Variants in CCDC9 observed in about 807,000 individuals in gnomAD.
The protein encoded by CCDC9 is coiled-coil domain-containing protein 9.
In CCDC9, 52 loss-of-function variants were observed where a neutral mutation model predicts 65.6. The ratio of observed to expected loss-of-function variants is 0.79; its 90% CI spans 0.63 to 1.00. CCDC9 has a LOEUF of 1.00. Ranked by LOEUF, CCDC9 falls within the 50% of genes least tolerant of loss-of-function variation. The probability of loss-of-function intolerance (pLI) is 0.00; values close to 1 mark genes in which losing one functional copy is unlikely to be tolerated. For synonymous variants in CCDC9, 332 were observed against 280.3 expected (o/e 1.18, Z -1.84); for missense variants, 834 against 757.2 (o/e 1.10, Z -1.19).
At chr19:47,261,880 G>T (rs933724100) in intron 5 of CCDC9, among the ~76,000 whole-genome samples, 70 of 150,176 alleles carry the variant, frequency 4.7e-4, no homozygotes, top group African/African-American at 1.6e-3. Context: ...AATTAGCCGG[G>T]TGTGGTGGCA....
Position 47,270,400 on chromosome 19 carries a change from C to A in CCDC9, c.903-7C>A, listed in dbSNP as rs569465656. 1.2e-6 allele frequency: 2 copies of A among 1,613,926 alleles called. No individual in the cohort carries two copies. The highest frequency in any genetic ancestry group is 3.3e-5 in the Admixed American group (2 of 59,998). ...AGCTGCCCGCTCACCCGTTATCTTT[C>A]CCCCAGGTTCAAGGATGGCCCAGTC... On this transcript the variant is annotated splice_polypyrimidine_tract_variant and splice_region_variant and intron_variant, in intron 8 of 11. Transcript: ENST00000221922.
At chr19:47,270,340 C>A in intron 8 of CCDC9, 67 bp from the exon 9 acceptor site, 1 of 1,500,264 alleles carries the variant, frequency 6.7e-7, no homozygotes, top group East Asian at 2.3e-5. Context: ...CTGACCTCTC[C>A]CATCTTCTTG....
chr19:47,271,652 G>T lies in CCDC9; in HGVS notation c.1570G>T (p.Glu524Ter). Residue 524 changes from glutamate (E) to a stop codon, truncating the protein, a stop_gained, in exon 12 of 12, where the codon GAG (glutamate) becomes TAG (stop). Transcript: ENST00000221922. LOFTEE classifies it high-confidence loss of function. ...THLAGALSPG[E>*]AWPFESV ...CCTGGCTGGCGCCCTCTCCCCGGGT[G>T]AGGCCTGGCCTTTTGAGAGTGTATG... The T allele has an allele frequency of 6.2e-7, 1 of 1,602,614 alleles. No individual in the cohort carries two copies. The highest frequency in any genetic ancestry group is 8.5e-7 in the Non-Finnish European group (1 of 1,174,454).
At chr19:47,267,838 G>A (rs935100053) in intron 8 of CCDC9, among the ~76,000 whole-genome samples, 4 of 151,954 alleles carry the variant, frequency 2.6e-5, no homozygotes, top group South Asian at 2.1e-4. Flanking sequence ...ATGCCTCACC[G>A]TCACCTTTTT....
chr19:47,266,575 G>T, intron 7 of CCDC9, 36 bp from the exon 8 acceptor site: 1 of 1,484,344 alleles, frequency 6.7e-7, no homozygotes, highest in Non-Finnish European at 9.0e-7. Flanking sequence ...GTAGGGTGCG[G>T]GACATCACCC....
chr19:47,267,250 C>T (rs3786709), intron 8 of CCDC9, among the ~76,000 whole-genome samples: 29,131 of 151,674 alleles, frequency 0.19, 3,253 homozygotes, highest in East Asian at 0.53. Context: ...AGGCGTGAGC[C>T]ACCGCGCGCG....
At position 47,270,678 on chromosome 19, in the gene CCDC9, A is replaced by C. The variant is rs764267487; in HGVS notation, c.1075A>C (p.Arg359=). The C allele has an allele frequency of 6.8e-6, 11 of 1,610,894 alleles. No homozygotes were observed. The highest frequency in any genetic ancestry group is 3.3e-5 in the Admixed American group (2 of 59,976). The change falls in exon 10 of 12, where the codon AGG becomes CGG. Residue 359 remains arginine (R), a synonymous_variant. Transcript: ENST00000221922. The part of the protein sequence containing the change: ...SSRPQAKAAP[R]AYSDHDDRWE... ...TCGGCCCCAGGCCAAGGCAGCGCCC[A>C]GGGCCTACAGGTGGGGCACCCCTTC...
chr19:47,265,136 C>T (rs2059073033), intron 7 of CCDC9, among the ~76,000 whole-genome samples, 190 bp downstream of exon 7: 1 of 152,162 alleles, frequency 6.6e-6, no homozygotes, highest in African/African-American at 2.4e-5. Flanking sequence ...CGGCTCACTG[C>T]AGCCTTTGCC....
intron 10 of CCDC9, 135 bp downstream of exon 10, chr19:47,270,823 C>A: frequency 8.9e-7 from 1 of 1,126,570 alleles, no homozygotes; most frequent in Non-Finnish European, 1.2e-6. Flanking sequence ...CTCGCAGGTC[C>A]GTGGTTTGAG....
At chr19:47,263,799 C>T (rs1385574666) in intron 5 of CCDC9, among the ~76,000 whole-genome samples, 3 of 151,846 alleles carry the variant, frequency 2.0e-5, no homozygotes, top group African/African-American at 4.8e-5. Context: ...CTCCTGACCT[C>T]GTGATCCACC....
At position 47,264,658 on chromosome 19, in the gene CCDC9, A is replaced by G. The variant is rs774015477; in HGVS notation, c.518A>G (p.Lys173Arg). Residue 173 changes from lysine to arginine, a missense_variant, in exon 6 of 12, where the codon AAG becomes AGG. Transcript: ENST00000221922. ...NIEKMNEEME[K>R]IAEYERNQRE... ...GAGAAGATGAATGAGGAGATGGAGA[A>G]GATCGCCGAGTATGAGCGCAACCAG... The G allele has an allele frequency of 6.9e-6, 11 of 1,605,014 alleles. No individual in the cohort carries two copies. In the Admixed American group the frequency reaches 1.9e-4, roughly 27 times the overall value.
At chr19:47,275,708 T>G (rs1277386162), downstream of CCDC9, 1 of 292,844 alleles carries the variant, frequency 3.4e-6, no homozygotes, top group Admixed American at 5.3e-5. Context: ...GTGCTGTGTC[T>G]GTCCTGTTGT....
In CCDC9 at chr19:47,260,751, C is replaced by G. The variant is rs995491239; in HGVS notation, c.374C>G (p.Ala125Gly). 1 of 1,607,858 alleles carries G rather than the reference C, an allele frequency of 6.2e-7. No individual in the cohort carries two copies. The highest frequency in any genetic ancestry group is 8.5e-7 in the Non-Finnish European group (1 of 1,177,486). Reference protein sequence around the residue: ...SPGEQPRGGGAGGRGRRGRGR... With the variant: ...SPGEQPRGGGGGGRGRRGRGR... ...GGGGAGCAGCCTCGAGGAGGAGGAG[C>G]TGGGGGCCGTGGCCGGAGGGGCCGG... The change falls in exon 5 of 12, where the codon GCT becomes GGT. Residue 125 changes from alanine to glycine, a missense_variant. Ala to Gly is a moderately conservative substitution (Grantham distance 60). Transcript: ENST00000221922.
At chr19:47,268,255 A>G (rs928834777) in intron 8 of CCDC9, among the ~76,000 whole-genome samples, 2 of 152,190 alleles carry the variant, frequency 1.3e-5, no homozygotes, top group African/African-American at 4.8e-5. Context: ...ATGGGGACCA[A>G]CTTCCATAAC....
chr19:47,260,247 G>T, intron 3 of CCDC9, 74 bp from the exon 4 acceptor site: 1 of 1,055,486 alleles, frequency 9.5e-7, no homozygotes, highest in Non-Finnish European at 1.4e-6. Context: ...GACTTAGGAG[G>T]AGTTCAGGGG....
downstream of CCDC9, chr19:47,275,262 C>CGCCGCT (rs1222704131): frequency 2.3e-5 from 35 of 1,540,670 alleles, no homozygotes; most frequent in Admixed American, 3.4e-4. Context: ...GAGCCGCCGC[C>CGCCGCT]GCCGCTACAG....
At chr19:47,256,773 TTGGG>T (rs1438600303) in intron 1 of CCDC9, among the ~76,000 whole-genome samples, 164 bp downstream of exon 1, 2 of 6,896 alleles carry the variant, frequency 2.9e-4, no homozygotes, top group Non-Finnish European at 5.7e-4. Context: ...GGGCGGGCCG[TTGGG>T]TGGGTGGGCA....
At chr19:47,274,833 G>T, downstream of CCDC9, 3 of 911,244 alleles carry the variant, frequency 3.3e-6, no homozygotes, top group East Asian at 1.0e-4. Context: ...GCGGTTTAGA[G>T]AGCGGGGCGG....
At chr19:47,258,260 G>T (rs887342426) in intron 1 of CCDC9, 70 bp from the exon 2 acceptor site, 1 of 816,672 alleles carries the variant, frequency 1.2e-6, no homozygotes, top group African/African-American at 1.7e-5. Context: ...TGAGGATCCC[G>T]CAGTATGTTA....
Sources: gnomAD v4.1 joint callset for allele counts (sites outside exome capture counted in the v4.1 genomes callset) on GRCh38, gnomAD v4.1.1 for gene constraint, MANE v1.5 for transcripts, NCBI Gene and HGNC (gene_info 2026-07-23, HGNC 2026-07-21) for gene names.